DLC1: variants seen among roughly 807,000 people sequenced by gnomAD.
The protein encoded by DLC1 is rho GTPase-activating protein 7.
A neutral mutation model predicts 140.3 loss-of-function variants in DLC1; 54 were observed. The ratio of observed to expected loss-of-function variants is 0.38; its 90% CI spans 0.31 to 0.48. The LOEUF (loss-of-function observed/expected upper bound fraction) is 0.48. DLC1 is among the 20% of genes least tolerant of loss of function. The pLI is 0.96. For synonymous variants in DLC1, 986 were observed against 728.1 expected (o/e 1.35, Z -5.70); for missense variants, 2,536 against 1,907.0 (o/e 1.33, Z -6.14).
intron 5 of DLC1, among the ~76,000 whole-genome samples, chr8:13,185,343 T>C (rs1405216420): frequency 6.6e-6 from 1 of 150,974 alleles, no homozygotes; most frequent in Middle Eastern, 3.2e-3. Context: ...AGTCTCACTC[T>C]GTAGCCCAGG....
At chr8:13,517,677 T>C (rs886273900), upstream of DLC1, among the ~76,000 whole-genome samples, 9 of 152,218 alleles carry the variant, frequency 5.9e-5, no homozygotes, top group Admixed American at 5.9e-4. Context: ...ACCAACTTCC[T>C]TAAATGTTTG....
chr8:13,560,382 C>G (rs1438433550), intron 1 of DLC1, among the ~76,000 whole-genome samples: 2 of 152,260 alleles, frequency 1.3e-5, no homozygotes, highest in East Asian at 1.9e-4. Flanking sequence ...GCTGGCCAGA[C>G]AGGTTTGTGA....
chr8:13,463,858 A>G (rs1354784322), intron 2 of DLC1, among the ~76,000 whole-genome samples: 4 of 152,082 alleles, frequency 2.6e-5, no homozygotes, highest in Admixed American at 1.3e-4. Flanking sequence ...GTTCTTTTCA[A>G]GGGGACACGA....
At chr8:13,542,099 G>A (rs1199992881) in intron 1 of DLC1, among the ~76,000 whole-genome samples, 1 of 151,884 alleles carries the variant, frequency 6.6e-6, no homozygotes, top group Non-Finnish European at 1.5e-5. Flanking sequence ...TATCTTTTTC[G>A]GATTGGAATT....
intron 5 of DLC1, among the ~76,000 whole-genome samples, chr8:13,288,946 C>CT (rs1419917194): frequency 6.6e-6 from 1 of 152,112 alleles, no homozygotes; most frequent in African/African-American, 2.4e-5. Context: ...TATATATGGC[C>CT]TTTTATATGG....
chr8:13,283,697 TA>T (rs1355413636), intron 5 of DLC1, among the ~76,000 whole-genome samples: 1 of 152,122 alleles, frequency 6.6e-6, no homozygotes, highest in African/African-American at 2.4e-5. Context: ...TAATGTTTTG[TA>T]GAGATCAGAT....
In DLC1 at chr8:13,099,417, G is replaced by T. The variant is rs1818792550; in HGVS notation, c.2920C>A (p.Pro974Thr). ...TCCGGGATCTCGGAGGGCTCTTCCG[G>T]TTCATTCAGGGAGTTGCCTGTGCTG... ...LDSTGNSLNE[P>T]EEPSEIPERR... The change falls in exon 9 of 18, where the codon CCG (proline) becomes ACG (threonine). Residue 974 changes from proline (P) to threonine (T), a missense_variant. Coordinates refer to ENST00000276297, the MANE Select transcript of DLC1 (RefSeq NM_182643.3). 1 of 1,614,126 alleles carries T rather than the reference G, an allele frequency of 6.2e-7. No homozygotes were observed.
chr8:13,568,114 GT>G lies in DLC1; in HGVS notation c.-126+36422del, dbSNP rs752766412. ...AGAAGGCACTGTTGTAGTTGGAATA[GT>G]TATAAAAACTTTTACAAAATTCCAA... On this transcript the variant is annotated intron_variant, in intron 1 of 1. Coordinates refer to the DLC1 transcript ENST00000631382. 1.9e-4 allele frequency: 149 copies of G among 778,692 alleles called. No individual in the cohort carries two copies. In the Middle Eastern group the frequency reaches 3.1e-3, roughly 16 times the overall value. The allele number at this position is 778,692 out of a possible 1,614,324, so 48.2% of individuals were successfully genotyped here. A position where few individuals can be genotyped will look rare whatever the true frequency, so the allele number is the denominator to read the frequency against.
intron 4 of DLC1, among the ~76,000 whole-genome samples, chr8:13,335,672 G>T (rs1314883007): frequency 6.6e-6 from 1 of 151,032 alleles, no homozygotes; most frequent in Non-Finnish European, 1.5e-5. Flanking sequence ...AGAAGTGTAG[G>T]ATAATGTATA....
intron 4 of DLC1, among the ~76,000 whole-genome samples, chr8:13,336,683 C>T (rs1292868375): frequency 6.6e-6 from 1 of 152,112 alleles, no homozygotes; most frequent in African/African-American, 2.4e-5. Flanking sequence ...TCAACCTCCC[C>T]TTCTTTATCT....
At chr8:13,540,486 A>G (rs988100694) in intron 1 of DLC1, among the ~76,000 whole-genome samples, 3 of 152,208 alleles carry the variant, frequency 2.0e-5, no homozygotes, top group African/African-American at 7.2e-5. Flanking sequence ...TATTAAACAG[A>G]AAACCCCCAC....
At chr8:13,419,232 C>T (rs1838204046) in intron 2 of DLC1, among the ~76,000 whole-genome samples, 1 of 151,904 alleles carries the variant, frequency 6.6e-6, no homozygotes, top group Non-Finnish European at 1.5e-5. Context: ...ATTGCCCTGG[C>T]CAGAACTTCT....
At chr8:13,212,862 A>G (rs17187454) in intron 5 of DLC1, among the ~76,000 whole-genome samples, 78,557 of 152,018 alleles carry the variant, frequency 0.52, 21,455 homozygotes, top group East Asian at 0.86. Flanking sequence ...CCGTTTGACT[A>G]AATGTTTGTT....
intron 2 of DLC1, among the ~76,000 whole-genome samples, chr8:13,453,550 A>G (rs867890348): frequency 4.3e-5 from 2 of 45,990 alleles, no homozygotes; most frequent in Non-Finnish European, 7.3e-5. Context: ...ATATATATAT[A>G]TATATATTTT....
intron 5 of DLC1, among the ~76,000 whole-genome samples, chr8:13,167,744 A>G (rs528458882): frequency 6.6e-6 from 1 of 152,218 alleles, no homozygotes; most frequent in Non-Finnish European, 1.5e-5. Context: ...ACAAAACAGT[A>G]TTTATTTGAT....
At position 13,349,678 on chromosome 8, in the gene DLC1, C is replaced by T. The variant is rs532261815; in HGVS notation, c.1314+43875G>A. 3.9e-5 allele frequency among the ~76,000 whole-genome samples: 6 copies of T among 152,222 alleles called. No homozygotes were observed. In the South Asian group the frequency reaches 8.3e-4, roughly 21 times the overall value. On this transcript the variant is annotated intron_variant, in intron 4 of 17. Coordinates refer to ENST00000276297, the MANE Select transcript of DLC1 (RefSeq NM_182643.3). ...AGGTATATAAGGAAAGTCCCTAACA[C>T]GAAAGGATTTGTTGCTGATGGTGTT...
At chr8:13,214,912 A>G (rs1217943887) in intron 5 of DLC1, 11 of 648,684 alleles carry the variant, frequency 1.7e-5, no homozygotes, top group African/African-American at 3.6e-5. Flanking sequence ...GGAATAAGAT[A>G]TTGTCAAACT....
At position 13,100,135 on chromosome 8, in the gene DLC1, A is replaced by C. The variant is rs1585615706; in HGVS notation, c.2202T>G (p.Val734=). ...TGCTGCTGGTCTGCGTGGAGTTGGA[A>C]ACGCTCCTCTTTCGTACCATGGGGA... ...INVPMVRKRS[V]SNSTQTSSSS... Residue 734 remains valine, a synonymous_variant, in exon 9 of 18, where the codon GTT becomes GTG. Coordinates refer to ENST00000276297, the MANE Select transcript of DLC1 (RefSeq NM_182643.3). 6 of 1,614,032 alleles carry C rather than the reference A, an allele frequency of 3.7e-6. No homozygotes were observed. Among genetic ancestry groups the C allele is most frequent in the Non-Finnish European group, 5.1e-6 (6 of 1,180,004 alleles).
rs28513258 is a variant in DLC1, at chr8:13,401,685, C to T, written c.1024-66G>A. 5.1e-5 allele frequency: 79 copies of T among 1,555,752 alleles called. No homozygotes were observed. The African/African-American group carries it at 1.1e-3, about 21-fold the overall frequency. ...TTTCTTAATAAGAATAAAAAGTTCC[C>T]TGTTCTTCAATGTGACAAAAAGTAC... On this transcript the variant is annotated intron_variant, in intron 2 of 17. Transcript: ENST00000276297.
Sources: gnomAD v4.1 joint callset for allele counts (sites outside exome capture counted in the v4.1 genomes callset) on GRCh38, gnomAD v4.1.1 for gene constraint, MANE v1.5 for transcripts, NCBI Gene and HGNC (gene_info 2026-07-23, HGNC 2026-07-21) for gene names.